The following KLK13 variants were observed in gnomAD, a reference collection of about 807,000 sequenced individuals.
KLK13 encodes kallikrein-13.
KLK13 carries 19 observed loss-of-function variants against 22.4 expected under a neutral mutation model. That is an observed-to-expected ratio of 0.85 (90% CI 0.59 to 1.24). The LOEUF (loss-of-function observed/expected upper bound fraction) is 1.24, where lower values mean the gene tolerates loss of function less well. KLK13 is among the 50% of genes most tolerant of loss of function. The pLI is 0.00. For synonymous variants in KLK13, 156 were observed against 141.8 expected (o/e 1.10, Z -0.71); for missense variants, 311 against 347.9 (o/e 0.89, Z 0.84).
chr19:51,063,840 C>T (rs1249437462), intron 1 of KLK13: 1 of 464,070 alleles, frequency 2.2e-6, no homozygotes, highest in Non-Finnish European at 4.3e-6. Context: ...AGGCCCCTGG[C>T]TTGGCTCCTT....
chr19:51,058,437 G>T, intron 4 of KLK13, 101 bp downstream of exon 4: 1 of 1,361,066 alleles, frequency 7.3e-7, no homozygotes, highest in Non-Finnish European at 1.0e-6. Flanking sequence ...TATAAAGATT[G>T]GTTCCCCTAA....
chr19:51,059,732 T>C, intron 3 of KLK13, 93 bp downstream of exon 3: 1 of 948,564 alleles, frequency 1.1e-6, no homozygotes, highest in Non-Finnish European at 1.4e-6. Context: ...TTTTTATATA[T>C]AAAGGAACCT....
chr19:51,065,508 C>G (rs777368162), upstream of KLK13, among the ~76,000 whole-genome samples: 20 of 152,126 alleles, frequency 1.3e-4, no homozygotes, highest in Admixed American at 2.6e-4. Context: ...CTCTCTAGAT[C>G]TGAGACTCTA....
At position 51,060,406 on chromosome 19, in the gene KLK13, C is replaced by T. The variant is rs773833977; in HGVS notation, c.239+27G>A. Reference sequence around the variant, plus strand: ...AATCCCAGTCCCATTCTCATCCCTACCCCATGCTCCCCCGGCCCCCACATA... The same window carrying T: ...AATCCCAGTCCCATTCTCATCCCTATCCCATGCTCCCCCGGCCCCCACATA... On this transcript the variant is annotated intron_variant, in intron 2 of 4. Coordinates refer to ENST00000595793, the MANE Select transcript of KLK13 (RefSeq NM_015596.3). The T allele has an allele frequency of 9.0e-6, 14 of 1,547,174 alleles. No individual in the cohort carries two copies. In the South Asian group the frequency reaches 1.7e-4, roughly 19 times the overall value.
At chr19:51,062,882 C>G (rs1191785316) in intron 1 of KLK13, among the ~76,000 whole-genome samples, 3 of 152,072 alleles carry the variant, frequency 2.0e-5, no homozygotes, top group Non-Finnish European at 4.4e-5. Flanking sequence ...GCTAGTTTCC[C>G]CAACTACAGG....
In KLK13 at chr19:51,060,597, C is replaced by CT. The variant is rs1432959929; in HGVS notation, c.74dup (p.Val26GlyfsTer73). 6.2e-7 allele frequency: 1 copy of CT among 1,605,836 alleles called. No individual in the cohort carries two copies. The highest frequency in any genetic ancestry group is 8.5e-7 in the Non-Finnish European group (1 of 1,174,254). ...CACTGGTCCCATTGGTGTTGAGAAC[C>CT]TTGGAAGACTCCTGGGAGACACCTG... On this transcript the variant is annotated frameshift_variant, in exon 2 of 5. Coordinates refer to ENST00000595793, the MANE Select transcript of KLK13 (RefSeq NM_015596.3). LOFTEE classifies it high-confidence loss of function.
At chr19:51,061,960 G>A (rs959497071) in intron 1 of KLK13, among the ~76,000 whole-genome samples, 1 of 151,984 alleles carries the variant, frequency 6.6e-6, no homozygotes, top group African/African-American at 2.4e-5. Context: ...CATCTTGGAT[G>A]CCCCCATACT....
intron 3 of KLK13, among the ~76,000 whole-genome samples, chr19:51,058,943 A>G (rs1173428634): frequency 6.6e-6 from 1 of 152,002 alleles, no homozygotes; most frequent in African/African-American, 2.4e-5. Context: ...GTTGATAAGG[A>G]GAGTGGTGGA....
In KLK13 at chr19:51,056,021, G is replaced by A. The variant is rs2091672412; in HGVS notation, c.*566C>T. Among the ~76,000 whole-genome samples the A allele has an allele frequency of 1.3e-5, 2 of 152,182 alleles. No individual in the cohort carries two copies. Among genetic ancestry groups the A allele is most frequent in the African/African-American group, 2.4e-5 (1 of 41,440 alleles). On this transcript the variant is annotated 3_prime_UTR_variant, in exon 5 of 5. Transcript: ENST00000595793. Reference sequence around the variant, plus strand: ...TAACAGTGTGAGAATGAAATATTCTGAGGATCCAATGTTAGCTGTGGTGAG... The same window carrying A: ...TAACAGTGTGAGAATGAAATATTCTAAGGATCCAATGTTAGCTGTGGTGAG...
chr19:51,063,777 A>G (rs765262709), intron 1 of KLK13: 8 of 460,006 alleles, frequency 1.7e-5, no homozygotes, highest in Non-Finnish European at 3.5e-5. Flanking sequence ...TCTTGGCTCA[A>G]GGGTCAAGCC....
At position 51,057,328 on chromosome 19, in the gene KLK13, C is replaced by T. The variant is rs371108568; in HGVS notation, c.646-553G>A. Among the ~76,000 whole-genome samples, 13 of 152,338 alleles carry T rather than the reference C, an allele frequency of 8.5e-5. 1 individual carries two copies. In the South Asian group the frequency reaches 2.7e-3, roughly 32 times the overall value. On this transcript the variant is annotated intron_variant, in intron 4 of 4. Transcript: ENST00000595793. Reference sequence around the variant, plus strand: ...TAATATAGTATCATACTCTTTCTCACTGAATCCAATCTCAACTTCTTTATT... The same window carrying T: ...TAATATAGTATCATACTCTTTCTCATTGAATCCAATCTCAACTTCTTTATT...
At chr19:51,060,155 G>A in intron 2 of KLK13, 62 bp from the exon 3 acceptor site, 2 of 1,582,292 alleles carry the variant, frequency 1.3e-6, no homozygotes, top group Non-Finnish European at 1.7e-6. Flanking sequence ...CCCCATCCCA[G>A]CCCCAACCTC....
chr19:51,063,993 C>G, intron 1 of KLK13: 1 of 365,326 alleles, frequency 2.7e-6, no homozygotes, highest in South Asian at 2.0e-5. Flanking sequence ...GCACAGTGGC[C>G]GGTGTTTAAT....
At chr19:51,060,801 G>C (rs536437803) in intron 1 of KLK13, among the ~76,000 whole-genome samples, 182 bp from the exon 2 acceptor site, 5 of 152,154 alleles carry the variant, frequency 3.3e-5, no homozygotes, top group African/African-American at 1.2e-4. Flanking sequence ...TTAGGGCAAA[G>C]GGGTGACATT....
At chr19:51,064,981 A>C (rs1369704815) in intron 1 of KLK13, 35 bp downstream of exon 1, 1 of 1,530,188 alleles carries the variant, frequency 6.5e-7, no homozygotes, top group African/African-American at 1.4e-5. Flanking sequence ...ATTGTCCCGA[A>C]TGGCCGCCGC....
In KLK13 at chr19:51,058,590, G is replaced by T; in HGVS notation, c.593C>A (p.Thr198Asn). 6.2e-7 allele frequency: 1 copy of T among 1,614,160 alleles called. No homozygotes were observed. Among genetic ancestry groups the T allele is most frequent in the Non-Finnish European group, 8.5e-7 (1 of 1,180,026 alleles). The part of the protein sequence containing the change: ...ECRQVYPGKI[T>N]DNMLCAGTKE... Reference sequence around the variant, plus strand: ...TGTGCCGGCACACAACATGTTGTCAGTGATCTTTCCTGGGTAGACTTGACG... The same window carrying T: ...TGTGCCGGCACACAACATGTTGTCATTGATCTTTCCTGGGTAGACTTGACG... Residue 198 changes from threonine (T) to asparagine (N), a missense_variant, in exon 4 of 5, where the codon ACT becomes AAT. Coordinates refer to ENST00000595793, the MANE Select transcript of KLK13 (RefSeq NM_015596.3).
intron 2 of KLK13, 101 bp downstream of exon 2, chr19:51,060,332 C>T (rs946003505): frequency 1.5e-6 from 2 of 1,304,590 alleles, no homozygotes; most frequent in African/African-American, 3.0e-5. Context: ...ATGTCCATCC[C>T]CAACCCTAAC....
rs1465545906 is a variant in KLK13, at chr19:51,060,094, C to T, written c.240-1G>A. ...CTTGCCTAGGTAAACTTTGAGCCCC[C>T]TGTGGGTGCAGAAAGAAGGTGGTTA... On this transcript the variant is annotated splice_acceptor_variant, in intron 2 of 4. Coordinates refer to ENST00000595793, the MANE Select transcript of KLK13 (RefSeq NM_015596.3). LOFTEE classifies it high-confidence loss of function. The T allele has an allele frequency of 1.2e-6, 2 of 1,612,946 alleles. No individual in the cohort carries two copies. The highest frequency in any genetic ancestry group is 2.2e-5 in the East Asian group (1 of 44,866).
intron 1 of KLK13, among the ~76,000 whole-genome samples, chr19:51,061,498 C>T (rs1430599064): frequency 6.6e-6 from 1 of 152,216 alleles, no homozygotes; most frequent in Non-Finnish European, 1.5e-5. Context: ...TCCAGTATTT[C>T]CCACCTCAGT....
Sources: allele counts gnomAD v4.1 joint callset (sites outside exome capture counted in the v4.1 genomes callset), GRCh38; gene constraint gnomAD v4.1.1; transcripts MANE v1.5; gene names NCBI Gene and HGNC (gene_info 2026-07-23, HGNC 2026-07-21).